The following INTS3 variants were observed in gnomAD, a reference collection of about 807,000 sequenced individuals.
INTS3 encodes the protein SOSS complex subunit A.
In INTS3, 34 loss-of-function variants were observed where a neutral mutation model predicts 146.3. The ratio of observed to expected loss-of-function variants is 0.23; its 90% confidence interval spans 0.18 to 0.31. The LOEUF (loss-of-function observed/expected upper bound fraction) is 0.31. INTS3 is among the 10% of genes least tolerant of loss of function. The probability of loss-of-function intolerance (pLI) is 1.00; values close to 1 mark genes in which losing one functional copy is unlikely to be tolerated. For missense variants in INTS3, 757 were observed against 1,304.2 expected (o/e 0.58, Z 6.46); for synonymous variants, 475 against 494.9 (o/e 0.96, Z 0.53).
chr1:153,762,721 T>G lies in INTS3; in HGVS notation c.1517-7T>G. ...CATTAAATGCCTTATCTTTTTTTAC[T>G]CCCAAGTCAAAATTGAGGAGCCAGT... On this transcript the variant is annotated splice_region_variant and splice_polypyrimidine_tract_variant and intron_variant, in intron 14 of 29. Transcript: ENST00000318967. The G allele has an allele frequency of 1.2e-6, 2 of 1,614,092 alleles. No individual in the cohort carries two copies. Among genetic ancestry groups the G allele is most frequent in the Non-Finnish European group, 1.7e-6 (2 of 1,179,988 alleles).
At chr1:153,760,042 AT>A (rs1428240549) in intron 11 of INTS3, 2 of 549,024 alleles carry the variant, frequency 3.6e-6, no homozygotes, top group Admixed American at 6.1e-5. Flanking sequence ...CCATTCATGT[AT>A]ATTGACATCC....
chr1:153,745,771 T>C (rs751290698), intron 3 of INTS3, among the ~76,000 whole-genome samples: 1 of 151,786 alleles, frequency 6.6e-6, no homozygotes, highest in Non-Finnish European at 1.5e-5. Flanking sequence ...CCTTTTTCAA[T>C]AAGTGGCAGA....
Position 153,732,951 on chromosome 1 carries a change from G to A in INTS3, c.150+4167G>A, listed in dbSNP as rs1204854591. ...CCTGAGTAGCTAGGAGTAAAGGCAC[G>A]CACCACCATGCCCGGCTAATTTTTT... On this transcript the variant is annotated intron_variant, in intron 1 of 29. Transcript: ENST00000318967. 4.6e-5 allele frequency among the ~76,000 whole-genome samples: 7 copies of A among 151,334 alleles called. No homozygotes were observed. The East Asian group carries it at 7.8e-4, about 17-fold the overall frequency.
At position 153,757,197 on chromosome 1, in the gene INTS3, T is replaced by C. The variant is rs932524549; in HGVS notation, c.958-375T>C. Reference sequence around the variant, plus strand: ...CCCAGCTCTTACTCTTGAAGAACATTTCTTGCTGTTCACCAGTGGCTCAAG... The same window carrying C: ...CCCAGCTCTTACTCTTGAAGAACATCTCTTGCTGTTCACCAGTGGCTCAAG... On this transcript the variant is annotated intron_variant, in intron 9 of 29. Transcript: ENST00000318967. The surrounding 1 kb of genome is among the most constrained non-coding windows in gnomAD (Gnocchi z 4.0). Among the ~76,000 whole-genome samples, 2 of 152,158 alleles carry C rather than the reference T, an allele frequency of 1.3e-5. No individual in the cohort carries two copies. Among genetic ancestry groups the C allele is most frequent in the African/African-American group, 4.8e-5 (2 of 41,430 alleles).
chr1:153,739,314 C>G (rs573228932), intron 1 of INTS3, among the ~76,000 whole-genome samples: 5 of 152,214 alleles, frequency 3.3e-5, no homozygotes, highest in Admixed American at 6.5e-5. Context: ...ATCCACCCGC[C>G]TCGGCCTCCC....
At chr1:153,747,569 T>C in intron 5 of INTS3, 1 of 596,792 alleles carries the variant, frequency 1.7e-6, no homozygotes, top group Non-Finnish European at 3.0e-6. Context: ...CAGTAAGTCT[T>C]GCCTCATTTT....
intron 3 of INTS3, among the ~76,000 whole-genome samples, chr1:153,743,657 T>C (rs1671619947): frequency 6.6e-6 from 1 of 152,172 alleles, no homozygotes; most frequent in Non-Finnish European, 1.5e-5. Flanking sequence ...GTTTATATCC[T>C]TTGAGTTTAT....
chr1:153,749,144 C>T (rs1671864616), intron 6 of INTS3, among the ~76,000 whole-genome samples: 1 of 152,084 alleles, frequency 6.6e-6, no homozygotes, highest in Non-Finnish European at 1.5e-5. Flanking sequence ...TCCATCCAAC[C>T]CCTGCTCTTT....
chr1:153,765,294 T>TC (rs1672536975), intron 20 of INTS3, among the ~76,000 whole-genome samples: 1 of 152,010 alleles, frequency 6.6e-6, no homozygotes, highest in Admixed American at 6.6e-5. Context: ...CAAGCCATCC[T>TC]CCCCCCTCAG....
chr1:153,747,685 T>G, intron 5 of INTS3: 1 of 367,464 alleles, frequency 2.7e-6, no homozygotes, highest in Non-Finnish European at 5.1e-6. Context: ...GGGAGAGAAG[T>G]GAGGGCAATT....
intron 1 of INTS3, among the ~76,000 whole-genome samples, chr1:153,730,444 A>C (rs991903314): frequency 6.6e-6 from 1 of 152,214 alleles, no homozygotes; most frequent in Non-Finnish European, 1.5e-5. Flanking sequence ...AGAAGTATAG[A>C]AAGTCAATAA....
At chr1:153,760,576 C>T in intron 12 of INTS3, 186 bp downstream of exon 12, 1 of 629,396 alleles carries the variant, frequency 1.6e-6, no homozygotes, top group East Asian at 2.7e-5. Context: ...TTGGATCTTC[C>T]CATTTTCTGT....
chr1:153,773,243 C>G lies in INTS3; in HGVS notation c.3102C>G (p.Ser1034=). 1 of 1,614,120 alleles carries G rather than the reference C, an allele frequency of 6.2e-7. No individual in the cohort carries two copies. Among genetic ancestry groups the G allele is most frequent in the Non-Finnish European group, 8.5e-7 (1 of 1,180,028 alleles). The stretch of plus-strand genomic sequence containing the variant: ...CTACCAAGCGGAAACGAAAAGGGTC[C>G]TCTGCAGTGGGCTCTGACAGTGACT... The part of the protein sequence containing the change: ...PKPTKRKRKG[S]SAVGSDSD Residue 1034 remains serine (S), a synonymous_variant, in exon 30 of 30, where the codon TCC becomes TCG. Transcript: ENST00000318967.
chr1:153,751,059 A>G (rs1310364962), intron 6 of INTS3, 36 bp from the exon 7 acceptor site: 2 of 1,610,964 alleles, frequency 1.2e-6, no homozygotes, highest in Admixed American at 1.7e-5. Flanking sequence ...ATAGTTCTAG[A>G]CAGAGCATAG....
chr1:153,729,039 C>T (rs1670967635), intron 1 of INTS3, among the ~76,000 whole-genome samples: 1 of 152,200 alleles, frequency 6.6e-6, no homozygotes, highest in Non-Finnish European at 1.5e-5. Flanking sequence ...AGGGATACAA[C>T]ATCCAGGTTT....
intron 13 of INTS3, 130 bp from the exon 14 acceptor site, chr1:153,761,440 G>A: frequency 1.6e-6 from 1 of 639,764 alleles, no homozygotes; most frequent in Non-Finnish European, 2.7e-6. Flanking sequence ...AATCCGGGAG[G>A]TGGAGGTTGC....
At chr1:153,731,165 G>T (rs928415483) in intron 1 of INTS3, among the ~76,000 whole-genome samples, 2 of 151,898 alleles carry the variant, frequency 1.3e-5, no homozygotes, top group African/African-American at 4.8e-5. Flanking sequence ...CATTTAACAC[G>T]CCCACAAGAA....
chr1:153,770,811 C>T, intron 25 of INTS3, 78 bp downstream of exon 25: 1 of 1,144,836 alleles, frequency 8.7e-7, no homozygotes, highest in Non-Finnish European at 1.3e-6. Context: ...GGCTTCTGTC[C>T]TCCTCCTTAT....
In INTS3 at chr1:153,764,810, G is replaced by T. The variant is rs142637301; in HGVS notation, c.1970+76G>T. 8.5e-5 allele frequency: 130 copies of T among 1,521,380 alleles called. No individual in the cohort carries two copies. In the African/African-American group the frequency reaches 1.4e-3, roughly 16 times the overall value. 94.2% of individuals were successfully genotyped at this position (1,521,380 alleles called of 1,614,324 possible). A position where few individuals can be genotyped will look rare whatever the true frequency, so the allele number is the denominator to read the frequency against. Reference sequence around the variant, plus strand: ...AGCACACACATGTGCTCCTGTCCTGGGGTAATGGGACTCGCTTTCCAGGGA... The same window carrying T: ...AGCACACACATGTGCTCCTGTCCTGTGGTAATGGGACTCGCTTTCCAGGGA... On this transcript the variant is annotated intron_variant, in intron 19 of 29. Coordinates refer to ENST00000318967, the MANE Select transcript of INTS3 (RefSeq NM_023015.5).
Sources: gnomAD v4.1 joint callset for allele counts (sites outside exome capture counted in the v4.1 genomes callset) on GRCh38, gnomAD v4.1.1 for gene constraint, Gnocchi (gnomAD v3.1) non-coding constraint, MANE v1.5 for transcripts, NCBI Gene and HGNC (gene_info 2026-07-23, HGNC 2026-07-21) for gene names.